GRIK2: variants seen among roughly 807,000 people sequenced by gnomAD.
GRIK2 encodes the protein glutamate ionotropic receptor kainate type subunit 2, also known as glutamate receptor ionotropic, kainate 2.
Under a neutral mutation model 100.3 loss-of-function variants are expected in GRIK2, and 32 were observed. That is an observed-to-expected ratio of 0.32 (90% CI 0.24 to 0.43). GRIK2 has a LOEUF of 0.43. Ranked by LOEUF, GRIK2 falls within the 20% of genes least tolerant of loss-of-function variation. The pLI is 1.00. For synonymous variants in GRIK2, 417 were observed against 389.4 expected, an observed-to-expected ratio of 1.07 and a Z score of -0.83; for missense variants, 843 against 1,114.9, an observed-to-expected ratio of 0.76 and a Z score of 3.47.
rs1793748411 is a variant in GRIK2 at position 101,982,163 on chromosome 6, A to G, written c.2086-53178A>G. Reference sequence around the variant, plus strand: ...ATCAATTTGTCATCAAACTTCAGCAAATAGAATTGGTGGGTGGTCTTTTTA... The same window carrying G: ...ATCAATTTGTCATCAAACTTCAGCAGATAGAATTGGTGGGTGGTCTTTTTA... On this transcript the variant is annotated intron_variant, in intron 14 of 16. Transcript: ENST00000369134. Among the ~76,000 whole-genome samples the G allele has an allele frequency of 2.6e-5, 4 of 151,862 alleles. No homozygotes were observed. In the South Asian group the frequency reaches 6.2e-4, roughly 24 times the overall value.
At chr6:101,752,796 A>G (rs2128385430) in intron 7 of GRIK2, among the ~76,000 whole-genome samples, 1 of 152,342 alleles carries the variant, frequency 6.6e-6, no homozygotes, top group South Asian at 2.1e-4. Flanking sequence ...CATATGTAAG[A>G]GTACACAGTA....
intron 2 of GRIK2, among the ~76,000 whole-genome samples, chr6:101,431,842 T>C (rs897787452): frequency 2.9e-4 from 44 of 152,146 alleles, no homozygotes; most frequent in African/African-American, 1.0e-3. Flanking sequence ...TTCCTGCCCA[T>C]GATAACATCA....
At chr6:101,802,595 A>C (rs2128414801) in intron 9 of GRIK2, among the ~76,000 whole-genome samples, 157 bp downstream of exon 9, 1 of 152,040 alleles carries the variant, frequency 6.6e-6, no homozygotes, top group South Asian at 2.1e-4. Context: ...AATAATTGAC[A>C]ATTAGGATTC....
Position 101,488,739 on chromosome 6 carries a change from C to G in GRIK2, c.115+89347C>G, listed in dbSNP as rs1562173743. On this transcript the variant is annotated intron_variant, in intron 2 of 16. Transcript: ENST00000369134. ...AGGTTCTCATATTCACAAATAAACACTTTTTTTAATGCTTCTATTTAATTT... is the reference window on the plus strand; with the variant it reads ...AGGTTCTCATATTCACAAATAAACAGTTTTTTTAATGCTTCTATTTAATTT... Among the ~76,000 whole-genome samples, 2 of 146,192 alleles carry G rather than the reference C, an allele frequency of 1.4e-5. 1 individual carries two copies. Among genetic ancestry groups the G allele is most frequent in the African/African-American group, 5.2e-5 (2 of 38,338 alleles).
chr6:101,878,888 T>C (rs1388675250), intron 11 of GRIK2, among the ~76,000 whole-genome samples: 1 of 152,052 alleles, frequency 6.6e-6, no homozygotes, highest in Non-Finnish European at 1.5e-5. Flanking sequence ...TCAAGCAGTA[T>C]GTACTGATTA....
At chr6:101,686,432 A>G (rs1038027323) in intron 7 of GRIK2, 79 bp downstream of exon 7, 8 of 994,658 alleles carry the variant, frequency 8.0e-6, no homozygotes, top group Admixed American at 2.1e-5. Context: ...GTTTATATGC[A>G]TACATATAAA....
At chr6:101,750,661 A>G (rs143522260) in intron 7 of GRIK2, among the ~76,000 whole-genome samples, 151 of 152,318 alleles carry the variant, frequency 9.9e-4, no homozygotes, top group African/African-American at 3.3e-3. Context: ...GAATTATGCA[A>G]TTATTTTTCT....
intron 2 of GRIK2, among the ~76,000 whole-genome samples, chr6:101,546,556 C>A (rs935056339): frequency 6.6e-6 from 1 of 152,112 alleles, no homozygotes; most frequent in African/African-American, 2.4e-5. Context: ...AGACCTTGAA[C>A]AAATTAATCT....
intron 9 of GRIK2, among the ~76,000 whole-genome samples, chr6:101,809,613 T>C (rs1416452223): frequency 6.6e-6 from 1 of 152,018 alleles, no homozygotes; most frequent in African/African-American, 2.4e-5. Flanking sequence ...GACCCCCAAC[T>C]TGTCCAGGAA....
intron 7 of GRIK2, among the ~76,000 whole-genome samples, chr6:101,731,313 C>G (rs766752580): frequency 6.6e-6 from 1 of 151,892 alleles, no homozygotes; most frequent in Non-Finnish European, 1.5e-5. Context: ...GAACGACCAT[C>G]AAAATCTCTT....
chr6:102,015,261 C>T (rs1196651149), intron 14 of GRIK2, among the ~76,000 whole-genome samples: 1 of 151,646 alleles, frequency 6.6e-6, no homozygotes, highest in African/African-American at 2.4e-5. Flanking sequence ...ATTATAACCC[C>T]TGCATTTTTC....
intron 2 of GRIK2, among the ~76,000 whole-genome samples, chr6:101,617,657 G>A (rs1779956676): frequency 6.6e-6 from 1 of 151,630 alleles, no homozygotes; most frequent in Non-Finnish European, 1.5e-5. Flanking sequence ...GTTTCAAATT[G>A]TGGTTTAAAT....
chr6:101,501,873 TC>T (rs779368554), intron 2 of GRIK2, among the ~76,000 whole-genome samples: 12 of 152,250 alleles, frequency 7.9e-5, no homozygotes, highest in Non-Finnish European at 1.8e-4. Context: ...TCCTCCCACC[TC>T]AGCCTCCTGA....
chr6:101,552,072 G>A (rs1320769768), intron 2 of GRIK2, among the ~76,000 whole-genome samples: 1 of 152,126 alleles, frequency 6.6e-6, no homozygotes, highest in Non-Finnish European at 1.5e-5. Context: ...GTGGATGCAT[G>A]TGTAGTTTTT....
At chr6:101,979,951 G>A (rs965801231) in intron 14 of GRIK2, among the ~76,000 whole-genome samples, 2 of 151,886 alleles carry the variant, frequency 1.3e-5, no homozygotes, top group Non-Finnish European at 2.9e-5. Flanking sequence ...AAGCTGTGGC[G>A]ATTTCTGTGG....
intron 10 of GRIK2, among the ~76,000 whole-genome samples, chr6:101,818,801 TATAA>T (rs1257660270): frequency 1.3e-5 from 2 of 152,222 alleles, no homozygotes; most frequent in African/African-American, 2.4e-5. Context: ...CGTGCAGCTC[TATAA>T]ATATAGTTAA....
At chr6:101,397,694 G>A (rs1775067084) in intron 1 of GRIK2, among the ~76,000 whole-genome samples, 1 of 151,906 alleles carries the variant, frequency 6.6e-6, no homozygotes, top group Admixed American at 6.6e-5. Context: ...GGAAAAAATA[G>A]CAAGTCGAAT....
At chr6:101,687,522 G>A (rs1771781734) in intron 7 of GRIK2, among the ~76,000 whole-genome samples, 1 of 151,764 alleles carries the variant, frequency 6.6e-6, no homozygotes, top group Admixed American at 6.6e-5. Flanking sequence ...TAGCTTCAAA[G>A]CTTGTTTTTG....
At chr6:102,046,679 C>A (rs1291596808) in intron 15 of GRIK2, among the ~76,000 whole-genome samples, 3 of 152,052 alleles carry the variant, frequency 2.0e-5, no homozygotes, top group Non-Finnish European at 4.4e-5. Flanking sequence ...TAGCAGTGTG[C>A]AAATGGACTA....
Sources: allele counts gnomAD v4.1 joint callset (sites outside exome capture counted in the v4.1 genomes callset), GRCh38; gene constraint gnomAD v4.1.1; transcripts MANE v1.5; gene names NCBI Gene and HGNC (gene_info 2026-07-23, HGNC 2026-07-21).